Variants in CPAMD8 observed in about 807,000 individuals in gnomAD.
CPAMD8 encodes the protein C3 and PZP like alpha-2-macroglobulin domain containing 8.
In CPAMD8, 146 loss-of-function variants were observed where a neutral mutation model predicts 224.7. That is an observed-to-expected ratio of 0.65 (90% CI 0.57 to 0.75). CPAMD8 has a LOEUF of 0.75. Ranked by LOEUF, CPAMD8 falls within the 30% of genes least tolerant of loss-of-function variation. CPAMD8 has a pLI of 0.00. For missense variants in CPAMD8, 2,301 were observed against 2,537.5 expected (o/e 0.91, Z 2.00); for synonymous variants, 966 against 1,044.6 (o/e 0.92, Z 1.45).
intron 11 of CPAMD8, 136 bp downstream of exon 11, chr19:16,996,975 A>C: frequency 1.5e-6 from 1 of 652,654 alleles, no homozygotes; most frequent in Non-Finnish European, 2.8e-6. Context: ...CTGGAACACC[A>C]GCCCTCTCCA....
At chr19:16,913,891 C>T (rs182073998) in intron 29 of CPAMD8, among the ~76,000 whole-genome samples, 12 of 152,204 alleles carry the variant, frequency 7.9e-5, no homozygotes, top group East Asian at 3.9e-4. Context: ...TGAGATCCAT[C>T]GTGGAAGCCT....
intron 13 of CPAMD8, among the ~76,000 whole-genome samples, chr19:16,986,265 C>A (rs1375180676): frequency 2.6e-5 from 4 of 152,126 alleles, no homozygotes; most frequent in Admixed American, 6.6e-5. Flanking sequence ...TCCCTCCATG[C>A]CCTGAGGTTG....
intron 17 of CPAMD8, among the ~76,000 whole-genome samples, chr19:16,973,268 C>T (rs546093711): frequency 1.1e-4 from 16 of 152,268 alleles, no homozygotes; most frequent in African/African-American, 2.9e-4. Context: ...TTGTCTAATT[C>T]GCTCAACTTT....
intron 7 of CPAMD8, 132 bp downstream of exon 7, chr19:17,008,373 C>T (rs558818039): frequency 1.7e-6 from 2 of 1,182,912 alleles, no homozygotes; most frequent in South Asian, 2.9e-5. Flanking sequence ...CTGCCCTCCG[C>T]TCCTCCTTGG....
At chr19:17,011,571 G>A (rs1422592433) in intron 4 of CPAMD8, 21 bp downstream of exon 4, 8 of 1,614,198 alleles carry the variant, frequency 5.0e-6, no homozygotes, top group South Asian at 1.1e-5. Context: ...GGCCCTCCCT[G>A]CATCCATGCT....
At chr19:17,025,991 AC>A in intron 1 of CPAMD8, among the ~76,000 whole-genome samples, 1 of 152,088 alleles carries the variant, frequency 6.6e-6, no homozygotes, top group South Asian at 2.1e-4. Context: ...GCCCCCCTGA[AC>A]CCGCAGCCCT....
chr19:17,020,244 G>GA (rs2056920127), intron 3 of CPAMD8, 87 bp downstream of exon 3: 1 of 1,018,888 alleles, frequency 9.8e-7, no homozygotes, highest in East Asian at 2.4e-5. Context: ...AAAGTGCTGG[G>GA]ATTACATGTG....
chr19:16,898,955 CTG>C lies in CPAMD8; in HGVS notation c.4848+518_4848+519del, dbSNP rs1266136078. Among the ~76,000 whole-genome samples the C allele has an allele frequency of 6.6e-6, 1 of 152,038 alleles. No individual in the cohort carries two copies. Among genetic ancestry groups the C allele is most frequent in the Non-Finnish European group, 1.5e-5 (1 of 68,026 alleles). On this transcript the variant is annotated intron_variant, in intron 37 of 41. Transcript: ENST00000443236. This position sits in a 1 kb window ranked among gnomAD's most constrained non-coding sequence, Gnocchi z 4.2. ...TAGACAAGGTCTTGCAGGTCTTGCT[CTG>C]TCACCCAAGCTGGAGTGCAGTGGCA...
intron 7 of CPAMD8, among the ~76,000 whole-genome samples, chr19:17,004,755 A>G (rs910576204): frequency 1.3e-5 from 2 of 151,886 alleles, no homozygotes; most frequent in Non-Finnish European, 2.9e-5. Flanking sequence ...CACTACTGAC[A>G]CCTGGGGCCA....
At chr19:16,947,256 C>T in intron 20 of CPAMD8, 29 bp from the exon 21 acceptor site, 1 of 1,592,084 alleles carries the variant, frequency 6.3e-7, no homozygotes, top group Non-Finnish European at 8.6e-7. Flanking sequence ...GCTCATGGCG[C>T]CTGGAATCCA....
intron 6 of CPAMD8, 195 bp downstream of exon 6, chr19:17,009,107 AG>A: frequency 1.4e-6 from 1 of 735,240 alleles, no homozygotes; most frequent in Non-Finnish European, 2.2e-6. Flanking sequence ...AAAAAAAAAA[AG>A]GAAACGGACA....
intron 9 of CPAMD8, 34 bp from the exon 10 acceptor site, chr19:17,000,556 C>T (rs774520451): frequency 2.1e-6 from 2 of 955,866 alleles, no homozygotes; most frequent in Non-Finnish European, 1.7e-6. Flanking sequence ...CTCAATTTCA[C>T]AGCCAAGATG....
At chr19:16,953,503 C>T (rs2054363020) in intron 19 of CPAMD8, among the ~76,000 whole-genome samples, 1 of 151,586 alleles carries the variant, frequency 6.6e-6, no homozygotes, top group African/African-American at 2.4e-5. Flanking sequence ...AGTTTGAGAC[C>T]AGCCTGAGCA....
intron 17 of CPAMD8, 167 bp from the exon 18 acceptor site, chr19:16,971,200 T>G: frequency 1.7e-6 from 1 of 600,192 alleles, no homozygotes; most frequent in Non-Finnish European, 2.8e-6. Flanking sequence ...TGTTTTGTTT[T>G]GTTTGTTTGT....
At chr19:16,905,558 AAGG>A (rs2052439740) in intron 30 of CPAMD8, among the ~76,000 whole-genome samples, 2 of 136,844 alleles carry the variant, frequency 1.5e-5, no homozygotes, top group Admixed American at 7.3e-5. Flanking sequence ...AAAAAAAAAA[AAGG>A]AAGAAAAGAA....
chr19:16,929,078 C>A lies in CPAMD8; in HGVS notation c.3008G>T (p.Gly1003Val), dbSNP rs199728419. The A allele has an allele frequency of 1.2e-6, 2 of 1,614,074 alleles. No homozygotes were observed. Among genetic ancestry groups the A allele is most frequent in the Non-Finnish European group, 1.7e-6 (2 of 1,179,934 alleles). Residue 1003 changes from glycine to valine, a missense_variant, in exon 24 of 42, where the codon GGG (glycine) becomes GTG (valine). Around this residue, in one of 4 missense-constraint regions of CPAMD8, gnomAD observed 1,709 missense variants for 1,753.2 expected, o/e 0.97. Transcript: ENST00000443236. ...CCATGACCTGGTGTTCTGATGCCCC[C>A]CCAGGACGATCTCGATCATGCCTGC... The part of the protein sequence containing the change: ...DTAGMIEIVL[G>V]GHQNTRSWIS...
chr19:16,912,621 T>C (rs2144820086), intron 29 of CPAMD8, among the ~76,000 whole-genome samples: 1 of 152,278 alleles, frequency 6.6e-6, no homozygotes, highest in South Asian at 2.1e-4. Context: ...CAGTGGCACA[T>C]GCCTGTAGTC....
chr19:16,979,380 G>GTCCCTTCA (rs2055412409), intron 14 of CPAMD8, among the ~76,000 whole-genome samples: 1 of 78,670 alleles, frequency 1.3e-5, no homozygotes. Context: ...CCATCCATCT[G>GTCCCTTCA]TCCATTCATC....
rs2052152356 is a variant in CPAMD8, at chr19:16,899,213, G to GC, written c.4848+261dup. Among the ~76,000 whole-genome samples the GC allele has an allele frequency of 6.6e-6, 1 of 152,232 alleles. No individual in the cohort carries two copies. Among genetic ancestry groups the GC allele is most frequent in the East Asian group, 1.9e-4 (1 of 5,182 alleles). On this transcript the variant is annotated intron_variant, in intron 37 of 41. Transcript: ENST00000443236. This position sits in a 1 kb window ranked among gnomAD's most constrained non-coding sequence, Gnocchi z 5.4. ...TGGGATTGCAGGCGTAAGCCAAAGG[G>GC]CCTGGGCACTTTTTTATATTTTTTG...
Sources: allele counts gnomAD v4.1 joint callset (sites outside exome capture counted in the v4.1 genomes callset), GRCh38; gene constraint gnomAD v4.1.1; regional missense constraint gnomAD v4.1.1; non-coding constraint Gnocchi (gnomAD v3.1); transcripts MANE v1.5; gene names NCBI Gene and HGNC (gene_info 2026-07-23, HGNC 2026-07-21).